The following NTM variants were observed in gnomAD, a reference collection of about 807,000 sequenced individuals.
NTM encodes the protein IgLON family member 2.
A neutral mutation model predicts 42.1 loss-of-function variants in NTM; 13 were observed. The observed-to-expected ratio is 0.31, with a 90% confidence interval of 0.20 to 0.49. The LOEUF (loss-of-function observed/expected upper bound fraction) is 0.49, where lower values mean the gene tolerates loss of function less well. NTM is among the 20% of genes least tolerant of loss of function. The probability of loss-of-function intolerance (pLI) is 0.99; values close to 1 mark genes in which losing one functional copy is unlikely to be tolerated. For synonymous variants in NTM, 187 were observed against 179.2 expected, an observed-to-expected ratio of 1.04 and a Z score of -0.35; for missense variants, 373 against 452.8, an observed-to-expected ratio of 0.82 and a Z score of 1.60.
chr11:132,039,235 C>T (rs558289187), intron 2 of NTM, among the ~76,000 whole-genome samples: 1 of 152,250 alleles, frequency 6.6e-6, no homozygotes, highest in East Asian at 1.9e-4. Context: ...CTTACCCTGT[C>T]CTATTTTTCC....
intron 2 of NTM, among the ~76,000 whole-genome samples, chr11:132,023,810 TTTG>T (rs137975664): frequency 0.44 from 62,119 of 142,622 alleles, 14,467 homozygotes; most frequent in African/African-American, 0.57. Flanking sequence ...TGGTGGTGGT[TTTG>T]TTGTTGTTGT....
chr11:131,967,858 C>T (rs571702589), intron 2 of NTM, among the ~76,000 whole-genome samples: 1 of 152,226 alleles, frequency 6.6e-6, no homozygotes, highest in Non-Finnish European at 1.5e-5. Flanking sequence ...GAGGAGCCTG[C>T]TTTTCTCATT....
chr11:131,613,151 G>T (rs1415464961), intron 1 of NTM, among the ~76,000 whole-genome samples: 1 of 152,020 alleles, frequency 6.6e-6, no homozygotes, highest in South Asian at 2.1e-4. Context: ...CACACTTCTT[G>T]CAGGAAAGCA....
intron 6 of NTM, among the ~76,000 whole-genome samples, chr11:132,314,139 T>TTGAG (rs2095359996): frequency 6.6e-6 from 1 of 151,040 alleles, no homozygotes; most frequent in African/African-American, 2.4e-5. Flanking sequence ...TCTCAGAAGT[T>TTGAG]TGAGTTTTTC....
At chr11:132,183,564 T>A (rs554258519) in intron 3 of NTM, among the ~76,000 whole-genome samples, 1 of 151,974 alleles carries the variant, frequency 6.6e-6, no homozygotes, top group South Asian at 2.1e-4. Context: ...ACTGTGCATG[T>A]CCCAGCAAGG....
chr11:131,920,167 C>G (rs2138201769), intron 2 of NTM, among the ~76,000 whole-genome samples: 1 of 152,276 alleles, frequency 6.6e-6, no homozygotes, highest in South Asian at 2.1e-4. Flanking sequence ...TGCCAGACCC[C>G]TTTTCCTTGG....
chr11:131,755,970 T>G (rs539642729), intron 1 of NTM, among the ~76,000 whole-genome samples: 61 of 152,360 alleles, frequency 4.0e-4, no homozygotes, highest in African/African-American at 1.4e-3. Context: ...TTCTCTGCAT[T>G]GGCCAGGAGA....
intron 1 of NTM, among the ~76,000 whole-genome samples, chr11:131,761,950 A>T (rs1389859227): frequency 6.6e-6 from 1 of 152,248 alleles, no homozygotes; most frequent in Non-Finnish European, 1.5e-5. Flanking sequence ...ATGGGAAGGC[A>T]GCTGTCTGCA....
At chr11:131,542,859 C>T (rs576279964) in intron 1 of NTM, among the ~76,000 whole-genome samples, 1 of 151,974 alleles carries the variant, frequency 6.6e-6, no homozygotes, top group Admixed American at 6.6e-5. Flanking sequence ...AGAGTCGGTG[C>T]TAATTTCCCT....
intron 4 of NTM, among the ~76,000 whole-genome samples, chr11:132,304,051 C>T (rs1038251218): frequency 6.6e-6 from 1 of 152,158 alleles, no homozygotes; most frequent in Non-Finnish European, 1.5e-5. Flanking sequence ...CCTCTTAGGA[C>T]GATGATCTGT....
In NTM at chr11:131,382,843, G is replaced by A. The variant is rs556899639; in HGVS notation, c.82+11955G>A. Reference sequence around the variant, plus strand: ...TGTAGTCTGACTGGCAAAGTAGAAAGTGAACTGTTACTTAGCAGATTTTGG... The same window carrying A: ...TGTAGTCTGACTGGCAAAGTAGAAAATGAACTGTTACTTAGCAGATTTTGG... On this transcript the variant is annotated intron_variant, in intron 1 of 8. Coordinates refer to ENST00000683400, the MANE Select transcript of NTM (RefSeq NM_001352005.2). Among the ~76,000 whole-genome samples the A allele has an allele frequency of 4.1e-4, 63 of 152,324 alleles. 1 individual carries two copies. The highest frequency in any genetic ancestry group is 3.9e-3 in the South Asian group (19 of 4,816).
Position 132,258,624 on chromosome 11 carries a change from G to A in NTM, c.526+46477G>A, listed in dbSNP as rs11222986. ...AGTTTGGACCCATATAACTTTAGCC[G>A]TCTTTTGAAGATTGTTGGCCACAAA... On this transcript the variant is annotated intron_variant, in intron 4 of 8. Transcript: ENST00000683400. Among the ~76,000 whole-genome samples the A allele has an allele frequency of 6.0e-3, 913 of 152,144 alleles. 64 individuals carry two copies. In the East Asian group the frequency reaches 0.14, roughly 24 times the overall value.
intron 2 of NTM, among the ~76,000 whole-genome samples, chr11:132,017,194 G>C (rs2135484031): frequency 6.6e-6 from 1 of 151,552 alleles, no homozygotes; most frequent in East Asian, 1.9e-4. Flanking sequence ...TTTTTACTTT[G>C]ATATCTAATA....
chr11:131,777,410 T>C (rs58282502), intron 1 of NTM, among the ~76,000 whole-genome samples: 17,436 of 150,720 alleles, frequency 0.12, 3,491 homozygotes, highest in African/African-American at 0.41. Context: ...ACCACGTGTT[T>C]CTCTCCCAAT....
intron 8 of NTM, among the ~76,000 whole-genome samples, chr11:132,333,622 C>T (rs2095840392): frequency 6.6e-6 from 1 of 152,144 alleles, no homozygotes; most frequent in Non-Finnish European, 1.5e-5. Context: ...GTGTTTTCTC[C>T]TTAATGCAGG....
chr11:132,033,242 G>T (rs746335106), intron 2 of NTM, among the ~76,000 whole-genome samples: 1 of 152,196 alleles, frequency 6.6e-6, no homozygotes, highest in Non-Finnish European at 1.5e-5. Context: ...CCAGCTAGAT[G>T]ATGAGTGTGT....
At chr11:131,507,483 G>T (rs1205464365) in intron 1 of NTM, among the ~76,000 whole-genome samples, 1 of 152,100 alleles carries the variant, frequency 6.6e-6, no homozygotes, top group Admixed American at 6.5e-5. Flanking sequence ...TTTGAAGTCA[G>T]GTAGCGTGAT....
intron 2 of NTM, among the ~76,000 whole-genome samples, chr11:132,045,860 C>T (rs1430807602): frequency 6.6e-6 from 1 of 152,190 alleles, no homozygotes; most frequent in Non-Finnish European, 1.5e-5. Flanking sequence ...TCTTTCTGAG[C>T]TTCTTCCATC....
chr11:131,399,486 T>G (rs1399716695), intron 1 of NTM, among the ~76,000 whole-genome samples: 2 of 152,224 alleles, frequency 1.3e-5, no homozygotes, highest in Non-Finnish European at 2.9e-5. Flanking sequence ...TGTTCATTTT[T>G]ACAAGATTGC....
Sources: allele counts gnomAD v4.1 joint callset (sites outside exome capture counted in the v4.1 genomes callset), GRCh38; gene constraint gnomAD v4.1.1; transcripts MANE v1.5; gene names NCBI Gene and HGNC (gene_info 2026-07-23, HGNC 2026-07-21).